Variants in GLI3 observed in about 807,000 individuals in gnomAD.
GLI3 encodes GLI family zinc finger 3, also known as transcription activator GLI3.
A neutral mutation model predicts 100.8 loss-of-function variants in GLI3; 20 were observed. That is an observed-to-expected ratio of 0.20 (90% CI 0.14 to 0.29). The LOEUF (loss-of-function observed/expected upper bound fraction) is 0.29. GLI3 is among the 10% of genes least tolerant of loss of function. The pLI is 1.00. For synonymous variants in GLI3, 938 were observed against 860.5 expected (o/e 1.09, Z -1.58); for missense variants, 2,040 against 2,128.5 (o/e 0.96, Z 0.82).
At chr7:42,246,711 C>A (rs1788977844) in intron 1 of GLI3, among the ~76,000 whole-genome samples, 1 of 149,888 alleles carries the variant, frequency 6.7e-6, no homozygotes, top group African/African-American at 2.5e-5. Context: ...TAAATAATAT[C>A]TTTATGGCAG....
chr7:42,107,776 G>A (rs552218105), intron 3 of GLI3, among the ~76,000 whole-genome samples: 2 of 152,286 alleles, frequency 1.3e-5, no homozygotes, highest in South Asian at 4.2e-4. Flanking sequence ...AGCAATCTCT[G>A]CATCTCTTCA....
chr7:41,995,009 C>T (rs558660903), intron 10 of GLI3, among the ~76,000 whole-genome samples: 1 of 152,288 alleles, frequency 6.6e-6, no homozygotes, highest in South Asian at 2.1e-4. Flanking sequence ...ATAATGAATG[C>T]GCTTGCAAAA....
intron 7 of GLI3, among the ~76,000 whole-genome samples, chr7:42,029,005 G>A (rs1789205897): frequency 6.6e-6 from 1 of 152,146 alleles, no homozygotes; most frequent in South Asian, 2.1e-4. Context: ...GGGAATAAAT[G>A]TTCTCTAAAA....
intron 2 of GLI3, among the ~76,000 whole-genome samples, chr7:42,209,024 T>C (rs916134704): frequency 1.3e-5 from 2 of 152,172 alleles, no homozygotes; most frequent in African/African-American, 2.4e-5. Flanking sequence ...CTTTTATCTG[T>C]AGAGTACCCT....
chr7:41,981,389 C>T (rs1787664494), intron 10 of GLI3, among the ~76,000 whole-genome samples: 1 of 152,180 alleles, frequency 6.6e-6, no homozygotes, highest in African/African-American at 2.4e-5. Context: ...TCACATACAC[C>T]CCAGGGGAAA....
chr7:42,055,045 A>ATGTG (rs1216806950), intron 4 of GLI3, among the ~76,000 whole-genome samples: 5,281 of 144,418 alleles, frequency 0.037, 129 homozygotes, highest in Middle Eastern at 0.054. Flanking sequence ...GTATACATAT[A>ATGTG]TATATACACA....
intron 4 of GLI3, among the ~76,000 whole-genome samples, chr7:42,049,625 G>C (rs915003408): frequency 1.2e-4 from 18 of 152,336 alleles, no homozygotes; most frequent in Admixed American, 9.1e-4. Context: ...ATCCTGATCT[G>C]CTTCTGGAGA....
intron 3 of GLI3, among the ~76,000 whole-genome samples, chr7:42,125,821 T>C (rs1786113017): frequency 6.6e-6 from 1 of 152,182 alleles, no homozygotes; most frequent in Non-Finnish European, 1.5e-5. Flanking sequence ...TGGGGTTCGA[T>C]GGAGCTGGGC....
At chr7:41,970,957 T>TCAAC (rs1348841297) in intron 13 of GLI3, among the ~76,000 whole-genome samples, 1 of 152,210 alleles carries the variant, frequency 6.6e-6, no homozygotes, top group Admixed American at 6.5e-5. Flanking sequence ...AATACAGTGA[T>TCAAC]CAACCATAAT....
At chr7:42,181,129 G>A (rs1787583827) in intron 2 of GLI3, among the ~76,000 whole-genome samples, 1 of 152,172 alleles carries the variant, frequency 6.6e-6, no homozygotes, top group Admixed American at 6.5e-5. Context: ...CAAACAGGCT[G>A]GGTTTGGCCC....
At chr7:42,258,208 A>G (rs899143270) in intron 1 of GLI3, among the ~76,000 whole-genome samples, 1 of 152,232 alleles carries the variant, frequency 6.6e-6, no homozygotes, top group Admixed American at 6.5e-5. Flanking sequence ...CTGAATTCAT[A>G]AAAACAGGAT....
At chr7:41,990,695 T>C (rs2128717883) in intron 10 of GLI3, among the ~76,000 whole-genome samples, 1 of 152,318 alleles carries the variant, frequency 6.6e-6, no homozygotes, top group East Asian at 1.9e-4. Flanking sequence ...TAATGAAATC[T>C]TTTGAAGATG....
intron 4 of GLI3, among the ~76,000 whole-genome samples, chr7:42,060,834 T>C (rs1784553151): frequency 6.6e-6 from 1 of 152,202 alleles, no homozygotes; most frequent in Non-Finnish European, 1.5e-5. Flanking sequence ...TGTATAGGTG[T>C]TACATTTTCC....
At chr7:42,131,758 G>C (rs1417433971) in intron 3 of GLI3, among the ~76,000 whole-genome samples, 2 of 152,076 alleles carry the variant, frequency 1.3e-5, no homozygotes, top group African/African-American at 4.8e-5. Context: ...ATGAGGAAAA[G>C]AAAGAGAAGC....
chr7:42,122,514 T>A (rs980859903), intron 3 of GLI3, among the ~76,000 whole-genome samples: 1 of 152,118 alleles, frequency 6.6e-6, no homozygotes, highest in African/African-American at 2.4e-5. Flanking sequence ...AATGTCTGGA[T>A]CCAGATGCTC....
In GLI3 at chr7:42,143,446, G is replaced by C. The variant is rs185699702; in HGVS notation, c.367+4780C>G. Among the ~76,000 whole-genome samples the C allele has an allele frequency of 3.9e-5, 6 of 152,312 alleles. No homozygotes were observed. In the East Asian group the frequency reaches 5.8e-4, roughly 15 times the overall value. ...AAGATGACACTTGGATAGTAAGAGA[G>C]AGAAGTATGAGCAAGTGTACCTATT... On this transcript the variant is annotated intron_variant, in intron 3 of 14. Coordinates refer to ENST00000395925, the MANE Select transcript of GLI3 (RefSeq NM_000168.6).
chr7:42,087,016 C>G (rs1180948957), intron 3 of GLI3, among the ~76,000 whole-genome samples: 2 of 152,138 alleles, frequency 1.3e-5, no homozygotes, highest in African/African-American at 4.8e-5. Context: ...TGTCTTCTTT[C>G]CCTCCCAGGA....
chr7:42,093,923 T>G (rs1562725832), intron 3 of GLI3, among the ~76,000 whole-genome samples: 1 of 151,938 alleles, frequency 6.6e-6, no homozygotes, highest in Non-Finnish European at 1.5e-5. Flanking sequence ...CAGGACTGAG[T>G]GCTAAAGTCC....
chr7:41,972,762 T>C lies in GLI3; in HGVS notation c.1813-135A>G, dbSNP rs1787399932. On this transcript the variant is annotated intron_variant, in intron 12 of 14. Coordinates refer to ENST00000395925, the MANE Select transcript of GLI3 (RefSeq NM_000168.6). The surrounding 1 kb of genome is among the most constrained non-coding windows in gnomAD (Gnocchi z 4.4). ...TTCACAAGGCTTTGAGGTGTTCAGA[T>C]ACCTCTAGGAACTAATAGTTTAATA... 1.4e-6 allele frequency: 1 copy of C among 730,988 alleles called. No homozygotes were observed. Among genetic ancestry groups the C allele is most frequent in the Admixed American group, 2.0e-5 (1 of 49,028 alleles). 45.3% of individuals were successfully genotyped at this position (730,988 alleles called of 1,614,324 possible). A position where few individuals can be genotyped will look rare whatever the true frequency, so the allele number is the denominator to read the frequency against.
Sources: gnomAD v4.1 joint callset for allele counts (sites outside exome capture counted in the v4.1 genomes callset) on GRCh38, gnomAD v4.1.1 for gene constraint, Gnocchi (gnomAD v3.1) non-coding constraint, MANE v1.5 for transcripts, NCBI Gene and HGNC (gene_info 2026-07-23, HGNC 2026-07-21) for gene names.